Variants in ZNF254 observed in about 807,000 individuals in gnomAD.
ZNF254 encodes zinc finger protein 254.
Under a neutral mutation model 12.4 loss-of-function variants are expected in ZNF254, and 10 were observed. The observed-to-expected ratio is 0.80, with a 90% CI of 0.50 to 1.36. The LOEUF is 1.36. Among genes scored for constraint, ZNF254 ranks in the 40% most tolerant of loss-of-function variants. The pLI is 0.00. For synonymous variants in ZNF254, 305 were observed against 253.4 expected, an observed-to-expected ratio of 1.20 and a Z score of -1.93; for missense variants, 996 against 763.9, an observed-to-expected ratio of 1.30 and a Z score of -3.58.
At chr19:24,059,718 C>A (rs533629037) in intron 2 of ZNF254, among the ~76,000 whole-genome samples, 1 of 152,284 alleles carries the variant, frequency 6.6e-6, no homozygotes, top group Non-Finnish European at 1.5e-5. Flanking sequence ...TCTTTTCTTT[C>A]ATCACCCAAG....
At chr19:24,078,768 C>G (rs1874687735) in intron 2 of ZNF254, 1 of 152,146 alleles carries the variant, frequency 6.6e-6, no homozygotes, top group Admixed American at 6.5e-5. Context: ...CTCCTAATTG[C>G]AAGGACAGTT....
In ZNF254 at chr19:24,126,871, G is replaced by A. The variant is rs752898208; in HGVS notation, c.871G>A (p.Glu291Lys). The A allele has an allele frequency of 1.2e-6, 2 of 1,613,508 alleles. No homozygotes were observed. Among genetic ancestry groups the A allele is most frequent in the South Asian group, 2.2e-5 (2 of 91,048 alleles). Residue 291 changes from glutamate (E) to lysine (K), a missense_variant, in exon 4 of 4, where the codon GAG becomes AAG. Transcript: ENST00000357002. Reference sequence around the variant, plus strand: ...TACACATAAGATAATTCATACTGGAGAGAAACCTTACAAGTGTGAAGAATG... The same window carrying A: ...TACACATAAGATAATTCATACTGGAAAGAAACCTTACAAGTGTGAAGAATG... ...LTTHKIIHTG[E>K]KPYKCEECGK...
chr19:24,091,712 C>G (rs111738696), intron 1 of ZNF254, among the ~76,000 whole-genome samples: 1 of 151,332 alleles, frequency 6.6e-6, no homozygotes, highest in Non-Finnish European at 1.5e-5. Flanking sequence ...AGGCTGGTCT[C>G]GAACTCCTGA....
intron 1 of ZNF254, among the ~76,000 whole-genome samples, chr19:24,092,816 G>A (rs1352500292): frequency 2.0e-5 from 3 of 152,184 alleles, no homozygotes; most frequent in Non-Finnish European, 4.4e-5. Flanking sequence ...ATTTCTTTGG[G>A]TATATACCCA....
chr19:24,127,306 T>G lies in ZNF254; in HGVS notation c.1306T>G (p.Cys436Gly), dbSNP rs771578952. Residue 436 changes from cysteine (C) to glycine (G), a missense_variant, in exon 4 of 4, where the codon TGT becomes GGT. Coordinates refer to ENST00000357002, the MANE Select transcript of ZNF254 (RefSeq NM_203282.4). ...IIHTGEKPYKCEECGKAFIWS... is the reference protein window; with the variant it reads ...IIHTGEKPYKGEECGKAFIWS... ...TCATACTGGAGAGAAACCTTACAAG[T>G]GTGAAGAATGTGGCAAAGCATTTAT... 6.2e-7 allele frequency: 1 copy of G among 1,613,666 alleles called. No individual in the cohort carries two copies. The highest frequency in any genetic ancestry group is 8.5e-7 in the Non-Finnish European group (1 of 1,179,844).
intron 1 of ZNF254, among the ~76,000 whole-genome samples, chr19:24,034,405 G>T (rs1283888278): frequency 6.6e-6 from 1 of 151,870 alleles, no homozygotes; most frequent in East Asian, 1.9e-4. Flanking sequence ...GGGGTTGGGA[G>T]GCTTTTTCTG....
intron 2 of ZNF254, among the ~76,000 whole-genome samples, chr19:24,072,202 C>T (rs1054151293): frequency 5.3e-5 from 8 of 150,666 alleles, no homozygotes; most frequent in Admixed American, 2.0e-4. Flanking sequence ...GATGTAGTCT[C>T]GCTCTGTCAC....
At chr19:24,118,113 C>T (rs1599752225) in intron 3 of ZNF254, among the ~76,000 whole-genome samples, 2 of 150,134 alleles carry the variant, frequency 1.3e-5, no homozygotes, top group East Asian at 3.9e-4. Flanking sequence ...AGCTCAGTGG[C>T]ACAATCTTGA....
chr19:24,096,578 TTGTG>T (rs1482346783), intron 1 of ZNF254, among the ~76,000 whole-genome samples: 3 of 152,220 alleles, frequency 2.0e-5, no homozygotes, highest in Non-Finnish European at 4.4e-5. Flanking sequence ...CTATTTCTGA[TTGTG>T]TGGTCAGTTT....
chr19:24,126,878 C>T lies in ZNF254; in HGVS notation c.878C>T (p.Pro293Leu), dbSNP rs751881357. The T allele has an allele frequency of 1.2e-6, 2 of 1,613,300 alleles. No individual in the cohort carries two copies. The highest frequency in any genetic ancestry group is 1.7e-6 in the Non-Finnish European group (2 of 1,179,732). The change falls in exon 4 of 4, where the codon CCT becomes CTT. Residue 293 changes from proline (P) to leucine (L), a missense_variant. Coordinates refer to ENST00000357002, the MANE Select transcript of ZNF254 (RefSeq NM_203282.4). ...THKIIHTGEK[P>L]YKCEECGKAF... Reference sequence around the variant, plus strand: ...AAGATAATTCATACTGGAGAGAAACCTTACAAGTGTGAAGAATGTGGCAAA... The same window carrying T: ...AAGATAATTCATACTGGAGAGAAACTTTACAAGTGTGAAGAATGTGGCAAA...
Position 24,127,922 on chromosome 19 carries a change from G to T in ZNF254, c.1922G>T (p.Arg641Leu). 1 of 1,607,902 alleles carries T rather than the reference G, an allele frequency of 6.2e-7. No individual in the cohort carries two copies. Among genetic ancestry groups the T allele is most frequent in the Non-Finnish European group, 8.5e-7 (1 of 1,177,250 alleles). ...GAAAAATTTGGCAAAGCCTTTAATC[G>T]GTCCTCGCACCTCACCACAGATAAG... ...KWEKFGKAFN[R>L]SSHLTTDKIT... The change falls in exon 4 of 4, where the codon CGG (arginine) becomes CTG (leucine). Residue 641 changes from arginine (R) to leucine (L), a missense_variant. Coordinates refer to ENST00000357002, the MANE Select transcript of ZNF254 (RefSeq NM_203282.4).
At chr19:24,117,338 G>T (rs934190220) in intron 3 of ZNF254, among the ~76,000 whole-genome samples, 5 of 152,302 alleles carry the variant, frequency 3.3e-5, no homozygotes, top group African/African-American at 1.2e-4. Context: ...GAGCTGTGGT[G>T]GGCTCCACCC....
chr19:24,119,518 C>T (rs1389897461), intron 3 of ZNF254, among the ~76,000 whole-genome samples: 2 of 152,032 alleles, frequency 1.3e-5, no homozygotes, highest in African/African-American at 2.4e-5. Context: ...GAGATAGGGT[C>T]TCACTCTCTC....
chr19:24,100,058 CTCTG>C (rs1469844957), intron 1 of ZNF254, among the ~76,000 whole-genome samples: 1 of 152,130 alleles, frequency 6.6e-6, no homozygotes, highest in African/African-American at 2.4e-5. Context: ...AGAATTGTGT[CTCTG>C]TCTATTTGGT....
rs1382178942 is a variant in ZNF254 at position 24,106,082 on chromosome 19, A to G, written c.157+16A>G. 4.5e-6 allele frequency: 7 copies of G among 1,566,578 alleles called. No individual in the cohort carries two copies. Among genetic ancestry groups the G allele is most frequent in the African/African-American group, 1.4e-5 (1 of 72,904 alleles). ...GCCTTCCTGGGTGAGGATAACTTTAATACAAAATTCCTCACATAAACTAAA... is the reference window on the plus strand; with the variant it reads ...GCCTTCCTGGGTGAGGATAACTTTAGTACAAAATTCCTCACATAAACTAAA... On this transcript the variant is annotated intron_variant, in intron 2 of 3. Transcript: ENST00000357002.
chr19:24,060,868 C>G (rs1036625247), intron 2 of ZNF254, among the ~76,000 whole-genome samples: 1 of 152,142 alleles, frequency 6.6e-6, no homozygotes, highest in African/African-American at 2.4e-5. Flanking sequence ...TTACTCAGCA[C>G]CTTGATTATG....
At chr19:24,109,796 G>T (rs1214661005) in intron 3 of ZNF254, among the ~76,000 whole-genome samples, 3 of 146,932 alleles carry the variant, frequency 2.0e-5, no homozygotes, top group Non-Finnish European at 4.5e-5. Context: ...TCGGCTCACT[G>T]CAACTTCCTC....
chr19:24,109,282 A>G (rs950965157), intron 3 of ZNF254, among the ~76,000 whole-genome samples: 2 of 152,222 alleles, frequency 1.3e-5, no homozygotes, highest in African/African-American at 4.8e-5. Context: ...TTTTATTGCT[A>G]CATAATAGAT....
upstream of ZNF254, among the ~76,000 whole-genome samples, chr19:24,082,943 C>G (rs907969711): frequency 2.6e-5 from 4 of 152,024 alleles, no homozygotes; most frequent in Non-Finnish European, 5.9e-5. Context: ...TTCTATTCAA[C>G]ATAGTACTTG....
Sources: allele counts gnomAD v4.1 joint callset (sites outside exome capture counted in the v4.1 genomes callset), GRCh38; gene constraint gnomAD v4.1.1; transcripts MANE v1.5; gene names NCBI Gene and HGNC (gene_info 2026-07-23, HGNC 2026-07-21).